HHLA1: variants seen among roughly 807,000 people sequenced by gnomAD.
HHLA1 encodes HHLA1 neighbor of OC90.
A neutral mutation model predicts 69.9 loss-of-function variants in HHLA1; 72 were observed. The observed-to-expected ratio is 1.03, with a 90% CI of 0.85 to 1.25. The LOEUF (loss-of-function observed/expected upper bound fraction) is 1.25. HHLA1 is among the 50% of genes most tolerant of loss of function. HHLA1 has a pLI of 0.00. For synonymous variants in HHLA1, 252 were observed against 233.2 expected (o/e 1.08, Z -0.73); for missense variants, 685 against 642.2 (o/e 1.07, Z -0.72).
chr8:132,080,191 G>A (rs1239746461), intron 10 of HHLA1: 5 of 667,458 alleles, frequency 7.5e-6, no homozygotes, highest in Non-Finnish European at 1.4e-5. Context: ...CATGTCTTTG[G>A]AAGAGGAATT....
Position 132,061,870 on chromosome 8 carries a change from G to C in HHLA1, c.*2125C>G, listed in dbSNP as rs1281851399. On this transcript the variant is annotated 3_prime_UTR_variant, in exon 17 of 17. Transcript: ENST00000414222. ...TCTGAGCCTTTGTCCTTGATGCTAG[G>C]CCAGATCCTTGCATAAGCCTCAGAG... 1.3e-5 allele frequency: 2 copies of C among 152,182 alleles called. No individual in the cohort carries two copies. Among genetic ancestry groups the C allele is most frequent in the Admixed American group, 6.5e-5 (1 of 15,276 alleles). 9.4% of individuals were successfully genotyped at this position (152,182 alleles called of 1,614,324 possible).
intron 15 of HHLA1, 146 bp from the exon 16 acceptor site, chr8:132,066,114 G>A (rs1823434430): frequency 2.2e-5 from 8 of 368,882 alleles, no homozygotes; most frequent in Admixed American, 3.8e-5. Context: ...TTTAAAGGGT[G>A]TCAGAGGAGA....
chr8:132,071,076 A>C lies in HHLA1; in HGVS notation c.1469+264T>G, dbSNP rs998375065. 5.3e-5 allele frequency among the ~76,000 whole-genome samples: 8 copies of C among 152,174 alleles called. No individual in the cohort carries two copies. In the South Asian group the frequency reaches 6.2e-4, roughly 12 times the overall value. ...ATTCAACTCAACTCAACTCCAATTC[A>C]ATTCACCTCAACTCAATTATACTTA... On this transcript the variant is annotated intron_variant, in intron 15 of 16. Transcript: ENST00000414222.
intron 6 of HHLA1, 28 bp downstream of exon 6, chr8:132,095,675 C>A: frequency 6.5e-7 from 1 of 1,541,174 alleles, no homozygotes; most frequent in Non-Finnish European, 8.8e-7. Context: ...ACCACCACCA[C>A]CATCAAGAAG....
chr8:132,110,063 A>C (rs1247627314), intron 1 of HHLA1, among the ~76,000 whole-genome samples: 1 of 152,188 alleles, frequency 6.6e-6, no homozygotes, highest in Admixed American at 6.5e-5. Flanking sequence ...GCCAATCAAC[A>C]AGGGTCCCAA....
At chr8:132,104,382 G>A (rs963275671) in intron 2 of HHLA1, among the ~76,000 whole-genome samples, 1 of 152,114 alleles carries the variant, frequency 6.6e-6, no homozygotes, top group Non-Finnish European at 1.5e-5. Flanking sequence ...ATTGAGTGCC[G>A]AGTGTTTGCT....
At position 132,083,948 on chromosome 8, in the gene HHLA1, T is replaced by A. The variant is rs189871389; in HGVS notation, c.676+3705A>T. On this transcript the variant is annotated intron_variant, in intron 10 of 16. Coordinates refer to ENST00000414222, the MANE Select transcript of HHLA1 (RefSeq NM_001145095.3). ...GGAGCAGATTGGGTGATAAAATGTA[T>A]TTTGAGAATAAGACGGCCTTTTGAC... Among the ~76,000 whole-genome samples, 181 of 148,528 alleles carry A rather than the reference T, an allele frequency of 1.2e-3. 2 individuals carry two copies. The East Asian group carries it at 0.034, about 28-fold the overall frequency.
rs117064271 is a variant in HHLA1, at chr8:132,108,886, G to T, written c.-22+2216C>A. 8.1e-4 allele frequency among the ~76,000 whole-genome samples: 124 copies of T among 152,284 alleles called. 3 individuals carry two copies. In the East Asian group the frequency reaches 0.02, roughly 25 times the overall value. ...ATATATTTCCTTCCCACATTATACTGCCTCTAGAAGCTCAAAGCTCTTTTC... is the reference window on the plus strand; with the variant it reads ...ATATATTTCCTTCCCACATTATACTTCCTCTAGAAGCTCAAAGCTCTTTTC... On this transcript the variant is annotated intron_variant, in intron 1 of 16. Transcript: ENST00000414222.
chr8:132,103,584 C>A (rs1156753384), intron 3 of HHLA1, among the ~76,000 whole-genome samples: 1 of 152,094 alleles, frequency 6.6e-6, no homozygotes, highest in East Asian at 1.9e-4. Flanking sequence ...TGCCACCTGA[C>A]TCCCATCTGG....
In HHLA1 at chr8:132,095,903, T is replaced by C. The variant is rs560868009; in HGVS notation, c.281-117A>G. ...CCAATAAAGAAACCAATGATGAAAA[T>C]AAAGAAACAAACAAAAAAGTAATAC... On this transcript the variant is annotated intron_variant, in intron 5 of 16. Transcript: ENST00000414222. The C allele has an allele frequency of 4.4e-5, 26 of 595,540 alleles. No homozygotes were observed. The African/African-American group carries it at 4.5e-4, about 10-fold the overall frequency. 36.9% of individuals were successfully genotyped at this position (595,540 alleles called of 1,614,324 possible).
At chr8:132,100,227 G>A (rs1236901143) in intron 3 of HHLA1, 93 bp from the exon 4 acceptor site, 1 of 887,864 alleles carries the variant, frequency 1.1e-6, no homozygotes, top group Admixed American at 2.0e-5. Context: ...TTTGGCCTCT[G>A]CTCTCCGTGT....
intron 1 of HHLA1, among the ~76,000 whole-genome samples, chr8:132,110,891 G>A (rs1400617995): frequency 3.3e-5 from 5 of 152,218 alleles, no homozygotes; most frequent in African/African-American, 1.2e-4. Context: ...AATGAACAAC[G>A]GCAAGAAATA....
At position 132,076,094 on chromosome 8, in the gene HHLA1, C is replaced by T. The variant is rs1041589225; in HGVS notation, c.1276G>A (p.Glu426Lys). 2.9e-5 allele frequency: 45 copies of T among 1,551,290 alleles called. No homozygotes were observed. The highest frequency in any genetic ancestry group is 3.6e-5 in the Non-Finnish European group (41 of 1,146,946). Residue 426 changes from glutamate to lysine, a missense_variant, in exon 14 of 17, where the codon GAA becomes AAA. Glu to Lys is a moderately conservative substitution (Grantham distance 56, BLOSUM62 1). Transcript: ENST00000414222. ...GGTCTTGGGACCAGGACTGGCTCTT[C>T]ACCAGCAGTGAATGGCCACTCTGCA... ...LSAEWPFTAG[E>K]EPVLVPRPHQ...
chr8:132,078,943 A>G (rs550098359), intron 11 of HHLA1, among the ~76,000 whole-genome samples: 2 of 151,908 alleles, frequency 1.3e-5, no homozygotes, highest in African/African-American at 4.8e-5. Context: ...TTTTATTTTA[A>G]GTCTTAGGTT....
intron 14 of HHLA1, among the ~76,000 whole-genome samples, chr8:132,074,769 G>A (rs1823606041): frequency 1.3e-5 from 2 of 152,150 alleles, no homozygotes; most frequent in African/African-American, 4.8e-5. Context: ...AAGATAAATA[G>A]GTATGGATGG....
At chr8:132,079,584 A>T in intron 11 of HHLA1, 134 bp downstream of exon 11, 1 of 976,656 alleles carries the variant, frequency 1.0e-6, no homozygotes, top group African/African-American at 1.7e-5. Context: ...CAGATCTGTT[A>T]TTTAAGTAAG....
intron 2 of HHLA1, 74 bp downstream of exon 2, chr8:132,105,113 G>C: frequency 9.0e-7 from 1 of 1,107,414 alleles, no homozygotes; most frequent in Non-Finnish European, 1.3e-6. Flanking sequence ...TGGCTGCTGA[G>C]GTTCTCTAAA....
chr8:132,099,024 C>T (rs1824071947), intron 4 of HHLA1, 62 bp from the exon 5 acceptor site: 1 of 1,240,034 alleles, frequency 8.1e-7, no homozygotes, highest in Non-Finnish European at 1.1e-6. Context: ...AAAAGTTTCT[C>T]ATTTCCAAAC....
intron 2 of HHLA1, among the ~76,000 whole-genome samples, chr8:132,104,694 G>A (rs1276198917): frequency 6.6e-6 from 1 of 152,122 alleles, no homozygotes; most frequent in Admixed American, 6.5e-5. Context: ...TGAAGGAGGT[G>A]GAGGTGGTAG....
Sources: allele counts gnomAD v4.1 joint callset (sites outside exome capture counted in the v4.1 genomes callset), GRCh38; gene constraint gnomAD v4.1.1; transcripts MANE v1.5; gene names NCBI Gene and HGNC (gene_info 2026-07-23, HGNC 2026-07-21).